The following LRP5 variants were observed in gnomAD, a reference collection of about 807,000 sequenced individuals.
The protein encoded by LRP5 is LDL receptor related protein 5, also known as low-density lipoprotein receptor-related protein 5.
Under a neutral mutation model 154.1 loss-of-function variants are expected in LRP5, and 62 were observed. The ratio of observed to expected loss-of-function variants is 0.40; its 90% CI spans 0.33 to 0.50. The LOEUF (loss-of-function observed/expected upper bound fraction) is 0.50, where lower values mean the gene tolerates loss of function less well. Among genes scored for constraint, LRP5 ranks in the 20% least tolerant of loss-of-function variants. LRP5 has a pLI of 0.55. For missense variants in LRP5, 1,915 were observed against 2,336.7 expected (o/e 0.82, Z 3.72); for synonymous variants, 966 against 1,011.5 (o/e 0.96, Z 0.85).
intron 7 of LRP5, among the ~76,000 whole-genome samples, chr11:68,398,209 C>T (rs1195096133): frequency 6.6e-6 from 1 of 152,138 alleles, no homozygotes; most frequent in African/African-American, 2.4e-5. Context: ...AGAGGAAACA[C>T]AGGGTTCTTC....
At chr11:68,429,883 C>T (rs1466965569) in intron 17 of LRP5, among the ~76,000 whole-genome samples, 183 bp downstream of exon 17, 1 of 152,190 alleles carries the variant, frequency 6.6e-6, no homozygotes, top group Non-Finnish European at 1.5e-5. Flanking sequence ...ATGAATTTTC[C>T]TCTAAGTACT....
At chr11:68,354,512 G>A (rs966124431) in intron 2 of LRP5, among the ~76,000 whole-genome samples, 16 of 152,326 alleles carry the variant, frequency 1.1e-4, no homozygotes, top group Non-Finnish European at 1.6e-4. Context: ...AGGAGGTGGC[G>A]GAGGGTCTGG....
Position 68,448,994 on chromosome 11 carries a change from C to T in LRP5, c.4772C>T (p.Pro1591Leu), listed in dbSNP as rs766194797. The T allele has an allele frequency of 1.5e-5, 24 of 1,597,586 alleles. No homozygotes were observed. Among genetic ancestry groups the T allele is most frequent in the South Asian group, 2.2e-5 (2 of 90,406 alleles). The change falls in exon 23 of 23, where the codon CCG (proline) becomes CTG (leucine). Residue 1591 changes from proline (P) to leucine (L), a missense_variant. Pro to Leu is a moderately conservative substitution (Grantham distance 98). Coordinates refer to ENST00000294304, the MANE Select transcript of LRP5 (RefSeq NM_002335.4). ...TACCTGTCGGCGGAGGACAGCTGCC[C>T]GCCCTCGCCCGCCACCGAGAGGAGC... ...SQYLSAEDSC[P>L]PSPATERSYF...
rs2098589148 is a variant in LRP5 at position 68,312,695 on chromosome 11, C to T, written c.-20C>T. On this transcript the variant is annotated 5_prime_UTR_variant, in exon 1 of 23. Transcript: ENST00000294304. The stretch of plus-strand genomic sequence containing the variant: ...GAGCCCGAGTGAGCGCGGCGCGGGC[C>T]CGTCCGGCCGCCGGACAACATGGAG... The T allele has an allele frequency of 2.0e-6, 2 of 995,374 alleles. No individual in the cohort carries two copies. Among genetic ancestry groups the T allele is most frequent in the Non-Finnish European group, 2.4e-6 (2 of 835,292 alleles). 61.7% of individuals were successfully genotyped at this position (995,374 alleles called of 1,614,324 possible). A position where few individuals can be genotyped will look rare whatever the true frequency, so the allele number is the denominator to read the frequency against.
At chr11:68,326,585 G>A (rs1436426923) in intron 1 of LRP5, among the ~76,000 whole-genome samples, 1 of 152,264 alleles carries the variant, frequency 6.6e-6, no homozygotes, top group African/African-American at 2.4e-5. Context: ...GCGCTCCGTG[G>A]TTGCTGAGAG....
chr11:68,437,852 T>C (rs1339511010), intron 19 of LRP5, among the ~76,000 whole-genome samples: 1 of 152,236 alleles, frequency 6.6e-6, no homozygotes, highest in Non-Finnish European at 1.5e-5. Context: ...GCGCTGTTGA[T>C]GCGCAGCCAG....
intron 2 of LRP5, among the ~76,000 whole-genome samples, chr11:68,351,111 G>A (rs922602121): frequency 2.0e-5 from 3 of 152,190 alleles, no homozygotes; most frequent in Admixed American, 2.0e-4. Context: ...ACCAGCAGGG[G>A]TGGGACACGG....
In LRP5 at chr11:68,386,434, C is replaced by T. The variant is rs139130382; in HGVS notation, c.1134C>T (p.Ile378=). ...QVDDIRHAIA[I]DYDPLEGYVY... ...ACGACATCCGGCACGCCATTGCCAT[C>T]GACTACGACCCGCTAGAGGGCTATG... The change falls in exon 6 of 23, where the codon ATC becomes ATT. Residue 378 remains isoleucine (I), a synonymous_variant. Transcript: ENST00000294304. This position sits in a 1 kb window ranked among gnomAD's most constrained non-coding sequence, Gnocchi z 7.9. The T allele has an allele frequency of 3.9e-5, 63 of 1,614,118 alleles. No homozygotes were observed. In the African/African-American group the frequency reaches 5.5e-4, roughly 14 times the overall value.
intron 1 of LRP5, among the ~76,000 whole-genome samples, chr11:68,337,619 G>A (rs545068469): frequency 2.0e-5 from 3 of 150,368 alleles, no homozygotes; most frequent in Non-Finnish European, 3.0e-5. Context: ...CACTCTAACC[G>A]CAGCCAGATC....
At chr11:68,331,091 C>T (rs956466949) in intron 1 of LRP5, among the ~76,000 whole-genome samples, 1 of 152,244 alleles carries the variant, frequency 6.6e-6, no homozygotes, top group Non-Finnish European at 1.5e-5. Flanking sequence ...GCTTCCTCAC[C>T]GCAGGACTTC....
At chr11:68,335,055 T>C (rs1397982653) in intron 1 of LRP5, among the ~76,000 whole-genome samples, 2 of 150,708 alleles carry the variant, frequency 1.3e-5, no homozygotes, top group African/African-American at 4.9e-5. Context: ...TTTTGCCAAC[T>C]GTTCGATACC....
At chr11:68,369,630 G>A (rs578052823) in intron 5 of LRP5, among the ~76,000 whole-genome samples, 31 of 152,218 alleles carry the variant, frequency 2.0e-4, no homozygotes, top group Middle Eastern at 3.4e-3. Context: ...AAAATTAGCC[G>A]GGCGGTAGTC....
intron 19 of LRP5, among the ~76,000 whole-genome samples, chr11:68,437,312 G>A (rs771628716): frequency 5.3e-5 from 8 of 152,236 alleles, no homozygotes; most frequent in Non-Finnish European, 1.2e-4. Context: ...AAGATTACCC[G>A]AGGGCTGCAG....
intron 5 of LRP5, among the ~76,000 whole-genome samples, chr11:68,373,946 G>A (rs638051): frequency 0.52 from 78,975 of 151,938 alleles, 22,392 homozygotes; most frequent in South Asian, 0.8. Context: ...CGGGCCACAC[G>A]TGCCCTGGCC....
chr11:68,444,659 C>T (rs1419658115), intron 21 of LRP5, among the ~76,000 whole-genome samples: 10 of 147,654 alleles, frequency 6.8e-5, no homozygotes, highest in Admixed American at 3.5e-4. Flanking sequence ...ATTGCCGAGG[C>T]GCTGCACTGG....
chr11:68,439,816 T>C lies in LRP5; in HGVS notation c.4388T>C (p.Leu1463Pro). ...CGKSMMSSVS[L>P]MGGRGGVPLY... ...AAGTCCATGATGAGCTCCGTGAGCC[T>C]GATGGGGGGCCGGGGCGGGGTGCCC... Residue 1463 changes from leucine (L) to proline (P), a missense_variant, in exon 21 of 23, where the codon CTG becomes CCG. Coordinates refer to ENST00000294304, the MANE Select transcript of LRP5 (RefSeq NM_002335.4). 6.2e-7 allele frequency: 1 copy of C among 1,611,652 alleles called. No homozygotes were observed.
chr11:68,443,663 CTCTT>C (rs1276320181), intron 21 of LRP5, among the ~76,000 whole-genome samples: 2 of 136,366 alleles, frequency 1.5e-5, no homozygotes, highest in African/African-American at 5.7e-5. Context: ...CACACTCTCT[CTCTT>C]TTTTTTTTGA....
At chr11:68,335,165 C>T (rs1252018407) in intron 1 of LRP5, among the ~76,000 whole-genome samples, 1 of 151,470 alleles carries the variant, frequency 6.6e-6, no homozygotes, top group Non-Finnish European at 1.5e-5. Flanking sequence ...CAGCCTTGAC[C>T]TCCTGGGCTC....
intron 6 of LRP5, among the ~76,000 whole-genome samples, chr11:68,387,573 C>T (rs556356384): frequency 1.2e-4 from 18 of 152,240 alleles, no homozygotes; most frequent in African/African-American, 3.9e-4. Flanking sequence ...GGCCTGGCAG[C>T]GTGGCTCCAG....
Sources: gnomAD v4.1 joint callset for allele counts (sites outside exome capture counted in the v4.1 genomes callset) on GRCh38, gnomAD v4.1.1 for gene constraint, Gnocchi (gnomAD v3.1) non-coding constraint, MANE v1.5 for transcripts, NCBI Gene and HGNC (gene_info 2026-07-23, HGNC 2026-07-21) for gene names.